FASTKD1: variants seen among roughly 807,000 people sequenced by gnomAD.
The protein encoded by FASTKD1 is FAST kinase domains 1.
Under a neutral mutation model 90.9 loss-of-function variants are expected in FASTKD1, and 94 were observed. That is an observed-to-expected ratio of 1.03 (90% confidence interval 0.88 to 1.23). The LOEUF (loss-of-function observed/expected upper bound fraction) is 1.23. FASTKD1 is among the 50% of genes most tolerant of loss of function. FASTKD1 has a pLI of 0.00. For missense variants in FASTKD1, 945 were observed against 993.5 expected, an observed-to-expected ratio of 0.95 and a Z score of 0.66; for synonymous variants, 319 against 345.8, an observed-to-expected ratio of 0.92 and a Z score of 0.86.
chr2:169,540,045 A>G lies in FASTKD1; in HGVS notation c.1945+6T>C. 6.6e-7 allele frequency: 1 copy of G among 1,521,634 alleles called. No individual in the cohort carries two copies. Among genetic ancestry groups the G allele is most frequent in the Non-Finnish European group, 9.0e-7 (1 of 1,107,750 alleles). The allele number at this position is 1,521,634 out of a possible 1,614,324, so 94.3% of individuals were successfully genotyped here. ...TAATTAAATAAATTAAAAGATAGAT[A>G]CATACTTTCAAGTTGAGAATCCAAT... On this transcript the variant is annotated splice_donor_region_variant and intron_variant, in intron 10 of 14. Coordinates refer to ENST00000453153, the MANE Select transcript of FASTKD1 (RefSeq NM_024622.6).
intron 9 of FASTKD1, among the ~76,000 whole-genome samples, chr2:169,542,697 T>A (rs1685007921): frequency 6.6e-6 from 1 of 152,138 alleles, no homozygotes; most frequent in African/African-American, 2.4e-5. Flanking sequence ...AGACCCCATC[T>A]CTAAATTTAA....
intron 5 of FASTKD1, among the ~76,000 whole-genome samples, chr2:169,557,844 T>C (rs1057047743): frequency 5.3e-5 from 8 of 152,214 alleles, no homozygotes; most frequent in African/African-American, 1.9e-4. Context: ...GCAGTAATGT[T>C]AAGTACCATG....
At chr2:169,544,882 A>T in intron 8 of FASTKD1, 47 bp from the exon 9 acceptor site, 1 of 1,091,592 alleles carries the variant, frequency 9.2e-7, no homozygotes, top group Non-Finnish European at 1.3e-6. Context: ...TTAGGAAAAT[A>T]AGACAAAATT....
At position 169,540,044 on chromosome 2, in the gene FASTKD1, T is replaced by A; in HGVS notation, c.1945+7A>T. On this transcript the variant is annotated splice_region_variant and intron_variant, in intron 10 of 14. Transcript: ENST00000453153. The stretch of plus-strand genomic sequence containing the variant: ...ATAATTAAATAAATTAAAAGATAGA[T>A]ACATACTTTCAAGTTGAGAATCCAA... The A allele has an allele frequency of 6.6e-7, 1 of 1,520,360 alleles. No individual in the cohort carries two copies. The highest frequency in any genetic ancestry group is 1.4e-5 in the African/African-American group (1 of 72,198). 94.2% of individuals were successfully genotyped at this position (1,520,360 alleles called of 1,614,324 possible). A position where few individuals can be genotyped will look rare whatever the true frequency, so the allele number is the denominator to read the frequency against.
In FASTKD1 at chr2:169,529,688, T is replaced by C; in HGVS notation, c.*137A>G. On this transcript the variant is annotated 3_prime_UTR_variant, in exon 15 of 15. Coordinates refer to ENST00000453153, the MANE Select transcript of FASTKD1 (RefSeq NM_024622.6). ...CCCACTTGTTCTGCTCCAGCCACAC[T>C]GGATCCTTTGTTATTCTCAAACATG... 1.6e-6 allele frequency: 1 copy of C among 623,868 alleles called. No homozygotes were observed. The highest frequency in any genetic ancestry group is 2.8e-6 in the Non-Finnish European group (1 of 351,216). 38.6% of individuals were successfully genotyped at this position (623,868 alleles called of 1,614,324 possible).
Position 169,530,247 on chromosome 2 carries a change from T to C in FASTKD1, c.2443-321A>G, listed in dbSNP as rs142785695. 9.6e-3 allele frequency among the ~76,000 whole-genome samples: 1,459 copies of C among 152,326 alleles called. 14 individuals are homozygous for C. Among genetic ancestry groups the C allele is most frequent in the Non-Finnish European group, 0.015 (1,024 of 68,028 alleles). On this transcript the variant is annotated intron_variant, in intron 14 of 14. Coordinates refer to ENST00000453153, the MANE Select transcript of FASTKD1 (RefSeq NM_024622.6). ...CAGTGCCTCTCTCCTTTGTAAGATATAGAAATCATAAGATATGGATATTCT... is the reference window on the plus strand; with the variant it reads ...CAGTGCCTCTCTCCTTTGTAAGATACAGAAATCATAAGATATGGATATTCT...
chr2:169,563,233 C>T lies in FASTKD1; in HGVS notation c.564G>A (p.Gln188=). ...DIVHRNLETT[Q]DLSSLSVLMV... ...TCCCTAAATAAATTTACCTTAAGTCCTGTGTGGTTTCCAAGTTCCTATGAA... is the reference window on the plus strand; with the variant it reads ...TCCCTAAATAAATTTACCTTAAGTCTTGTGTGGTTTCCAAGTTCCTATGAA... The change falls in exon 4 of 15, where the codon CAG becomes CAA. Residue 188 remains glutamine, a synonymous_variant. Coordinates refer to ENST00000453153, the MANE Select transcript of FASTKD1 (RefSeq NM_024622.6). The T allele has an allele frequency of 6.2e-7, 1 of 1,610,514 alleles. No homozygotes were observed. Among genetic ancestry groups the T allele is most frequent in the South Asian group, 1.1e-5 (1 of 90,844 alleles).
chr2:169,563,255 T>C lies in FASTKD1; in HGVS notation c.542A>G (p.His181Arg), dbSNP rs773535158. 19 of 1,611,712 alleles carry C rather than the reference T, an allele frequency of 1.2e-5. No individual in the cohort carries two copies. The highest frequency in any genetic ancestry group is 6.7e-5 in the East Asian group (3 of 44,808). The change falls in exon 4 of 15, where the codon CAT becomes CGT. Residue 181 changes from histidine to arginine, a missense_variant. Transcript: ENST00000453153. ...PLMGKIADIV[H>R]RNLETTQDLS... ...GTCCTGTGTGGTTTCCAAGTTCCTATGAACAATATCAGCTATTTTTCCCAT... is the reference window on the plus strand; with the variant it reads ...GTCCTGTGTGGTTTCCAAGTTCCTACGAACAATATCAGCTATTTTTCCCAT...
chr2:169,540,198 T>A lies in FASTKD1; in HGVS notation c.1817-19A>T, dbSNP rs1455836117. On this transcript the variant is annotated intron_variant, in intron 9 of 14. Transcript: ENST00000453153. The stretch of plus-strand genomic sequence containing the variant: ...AATATACCTAAAAGAAAATTAAGAT[T>A]TTTTTAAAGGTATAGCTGCCTCACT... 6.6e-7 allele frequency: 1 copy of A among 1,525,668 alleles called. No homozygotes were observed. 94.5% of individuals were successfully genotyped at this position (1,525,668 alleles called of 1,614,324 possible). A position where few individuals can be genotyped will look rare whatever the true frequency, so the allele number is the denominator to read the frequency against.
At chr2:169,563,401 AAC>A (rs1559158798) in intron 3 of FASTKD1, 51 bp from the exon 4 acceptor site, 5 of 1,318,328 alleles carry the variant, frequency 3.8e-6, no homozygotes, top group Non-Finnish European at 5.2e-6. Flanking sequence ...TTTCACTTAA[AAC>A]ACATAATATA....
rs780629817 is a variant in FASTKD1 at position 169,561,465 on chromosome 2, T to C, written c.573-680A>G. Among the ~76,000 whole-genome samples the C allele has an allele frequency of 3.6e-4, 54 of 151,974 alleles. 1 individual carries two copies. The highest frequency in any genetic ancestry group is 1.5e-4 in the Non-Finnish European group (10 of 67,978). ...GGTTAGCATTGACAGTAAGTAATCT[T>C]ATGTTAAAAACAAAACAAACCCTCA... On this transcript the variant is annotated intron_variant, in intron 4 of 14. Transcript: ENST00000453153.
chr2:169,571,936 G>A lies in FASTKD1; in HGVS notation c.94C>T (p.Arg32Ter), dbSNP rs371408580. The change falls in exon 2 of 15, where the codon CGA (arginine) becomes TGA (stop). Residue 32 changes from arginine (R) to a stop codon, truncating the protein, a stop_gained. Transcript: ENST00000453153. LOFTEE classifies it high-confidence loss of function. The part of the protein sequence containing the change: ...CPFSWRVFQF[R>*]PISCEPLIIQ... ...ATTAGTGGTTCACAACTGATGGGTCGAAATTGAAACACTCTCCAGGAGAAT... is the reference window on the plus strand; with the variant it reads ...ATTAGTGGTTCACAACTGATGGGTCAAAATTGAAACACTCTCCAGGAGAAT... 48 of 1,613,920 alleles carry A rather than the reference G, an allele frequency of 3.0e-5. No homozygotes were observed. The highest frequency in any genetic ancestry group is 4.0e-5 in the Non-Finnish European group (47 of 1,179,984).
chr2:169,561,592 C>G (rs546716049), intron 4 of FASTKD1, among the ~76,000 whole-genome samples: 1 of 151,014 alleles, frequency 6.6e-6, no homozygotes, highest in East Asian at 1.9e-4. Context: ...CTTTATGAAA[C>G]TGAAAAGAAA....
intron 12 of FASTKD1, among the ~76,000 whole-genome samples, chr2:169,536,151 T>C (rs1437460607): frequency 2.0e-5 from 3 of 152,178 alleles, no homozygotes; most frequent in Non-Finnish European, 4.4e-5. Flanking sequence ...GAGCACTTAC[T>C]ATGTTCCAAG....
chr2:169,563,681 C>T (rs1390508977), intron 3 of FASTKD1, among the ~76,000 whole-genome samples: 1 of 151,758 alleles, frequency 6.6e-6, no homozygotes, highest in Admixed American at 6.6e-5. Flanking sequence ...AGAAATAATC[C>T]AATTTCTTCA....
chr2:169,537,663 GGT>G (rs2105340133), intron 11 of FASTKD1, among the ~76,000 whole-genome samples: 1 of 152,238 alleles, frequency 6.6e-6, no homozygotes, highest in South Asian at 2.1e-4. Flanking sequence ...TGGGATTACA[GGT>G]GTGAGCCACC....
chr2:169,561,712 AT>A (rs1683613165), intron 4 of FASTKD1, among the ~76,000 whole-genome samples: 1 of 142,164 alleles, frequency 7.0e-6, no homozygotes, highest in African/African-American at 2.5e-5. Context: ...TCTATTATAA[AT>A]TAATTATTAA....
intron 3 of FASTKD1, among the ~76,000 whole-genome samples, chr2:169,568,956 G>A (rs1296380898): frequency 6.7e-6 from 1 of 148,236 alleles, no homozygotes; most frequent in African/African-American, 2.5e-5. Context: ...CTGAGACCAC[G>A]CCACTGCACT....
chr2:169,565,789 T>A (rs1365872472), intron 3 of FASTKD1, among the ~76,000 whole-genome samples: 1 of 152,214 alleles, frequency 6.6e-6, no homozygotes, highest in Non-Finnish European at 1.5e-5. Context: ...GAGCTTATAC[T>A]AATTTACATT....
Sources: gnomAD v4.1 joint callset for allele counts (sites outside exome capture counted in the v4.1 genomes callset) on GRCh38, gnomAD v4.1.1 for gene constraint, MANE v1.5 for transcripts, NCBI Gene and HGNC (gene_info 2026-07-23, HGNC 2026-07-21) for gene names.